Variants in SMC3 observed in about 807,000 individuals in gnomAD.
The protein encoded by SMC3 is structural maintenance of chromosomes 3.
Under a neutral mutation model 171.8 loss-of-function variants are expected in SMC3, and 20 were observed. That is an observed-to-expected ratio of 0.12 (90% CI 0.08 to 0.17). The LOEUF is 0.17. SMC3 is among the 10% of genes least tolerant of loss of function. The pLI is 1.00. For synonymous variants in SMC3, 464 were observed against 451.1 expected, an observed-to-expected ratio of 1.03 and a Z score of -0.36; for missense variants, 543 against 1,420.4, an observed-to-expected ratio of 0.38 and a Z score of 9.93.
intron 17 of SMC3, among the ~76,000 whole-genome samples, chr10:110,592,263 CA>C (rs58488395): frequency 0.74 from 106,834 of 144,388 alleles, 40,148 homozygotes; most frequent in Non-Finnish European, 0.84. Flanking sequence ...GACTCCATCT[CA>C]AAAAAAAAAA....
rs142408238 is a variant in SMC3 at position 110,585,718 on chromosome 10, C to T, written c.1305+1322C>T. Among the ~76,000 whole-genome samples the T allele has an allele frequency of 4.6e-5, 7 of 151,744 alleles. No individual in the cohort carries two copies. The East Asian group carries it at 1.2e-3, about 25-fold the overall frequency. On this transcript the variant is annotated intron_variant, in intron 13 of 28. Coordinates refer to ENST00000361804, the MANE Select transcript of SMC3 (RefSeq NM_005445.4). The stretch of plus-strand genomic sequence containing the variant: ...TTTTTTCTTGACTTTTGGGACTTGA[C>T]ATTTTAAATTATTTGTTATAAAGTA...
chr10:110,569,102 G>T (rs1860827686), intron 2 of SMC3, 89 bp downstream of exon 2: 4 of 857,368 alleles, frequency 4.7e-6, no homozygotes, highest in South Asian at 1.4e-5. Context: ...AAGGAGACAG[G>T]AATTGTCTTT....
Position 110,606,016 on chromosome 10 carries a change from A to G in SMC3, c.*1714A>G, listed in dbSNP as rs955123828. Among the ~76,000 whole-genome samples the G allele has an allele frequency of 2.6e-5, 4 of 152,230 alleles. No individual in the cohort carries two copies. The highest frequency in any genetic ancestry group is 5.9e-5 in the Non-Finnish European group (4 of 68,044). ...AGTATAATGAAATGCCAGTAAATTT[A>G]TAACAATAAAGCATCTAAATAATGA... is the stretch of plus-strand genomic sequence containing the variant. On this transcript the variant is annotated 3_prime_UTR_variant, in exon 29 of 29. Coordinates refer to ENST00000361804, the MANE Select transcript of SMC3 (RefSeq NM_005445.4).
intron 15 of SMC3, among the ~76,000 whole-genome samples, 153 bp downstream of exon 15, chr10:110,590,144 A>G (rs532457951): frequency 2.6e-5 from 4 of 152,360 alleles, no homozygotes; most frequent in Non-Finnish European, 4.4e-5. Context: ...TAGAGATTAA[A>G]TAGTTTTATT....
chr10:110,575,408 G>A lies in SMC3; in HGVS notation c.198+5G>A. The A allele has an allele frequency of 6.2e-7, 1 of 1,602,846 alleles. No individual in the cohort carries two copies. The highest frequency in any genetic ancestry group is 8.5e-7 in the Non-Finnish European group (1 of 1,169,938). On this transcript the variant is annotated splice_donor_5th_base_variant and intron_variant, in intron 4 of 28. Coordinates refer to ENST00000361804, the MANE Select transcript of SMC3 (RefSeq NM_005445.4). ...CAGCGGTTGGCTTTATTGCATGTGA[G>A]TGAGACTGCTTTAAGACATTATTGA...
At chr10:110,596,974 T>A (rs1477040514) in intron 19 of SMC3, among the ~76,000 whole-genome samples, 1 of 151,720 alleles carries the variant, frequency 6.6e-6, no homozygotes, top group East Asian at 1.9e-4. Context: ...AGAAGTCAAA[T>A]ATATAAGGAC....
intron 28 of SMC3, among the ~76,000 whole-genome samples, 169 bp downstream of exon 28, chr10:110,603,459 T>C (rs549859123): frequency 3.3e-5 from 5 of 152,332 alleles, no homozygotes; most frequent in East Asian, 3.9e-4. Context: ...TTTAGCAGTA[T>C]TTTATGGCGT....
Position 110,590,971 on chromosome 10 carries a change from C to T in SMC3, c.1671-20C>T, listed in dbSNP as rs768291297. ...ACCCTGAGTACCAATAAAGATTTGT[C>T]TTACTCTGTTTATATTTAGGTTATT... On this transcript the variant is annotated intron_variant, in intron 16 of 28. Transcript: ENST00000361804. 1.9e-6 allele frequency: 3 copies of T among 1,610,740 alleles called. No individual in the cohort carries two copies. Among genetic ancestry groups the T allele is most frequent in the Non-Finnish European group, 2.5e-6 (3 of 1,177,304 alleles).
At chr10:110,574,892 T>C (rs146737777) in intron 3 of SMC3, among the ~76,000 whole-genome samples, 1 of 152,224 alleles carries the variant, frequency 6.6e-6, no homozygotes, top group Non-Finnish European at 1.5e-5. Flanking sequence ...TTTCCTTAGT[T>C]TTATTTCTTT....
intron 13 of SMC3, among the ~76,000 whole-genome samples, chr10:110,586,489 A>G (rs1861118393): frequency 6.6e-6 from 1 of 152,218 alleles, no homozygotes; most frequent in Non-Finnish European, 1.5e-5. Context: ...CAACCTCAGC[A>G]GATGCCCTTT....
chr10:110,570,729 T>C (rs975349415), intron 2 of SMC3, among the ~76,000 whole-genome samples: 1 of 152,246 alleles, frequency 6.6e-6, no homozygotes. Context: ...ACCATTGTTT[T>C]AGCTGTTATC....
chr10:110,604,166 T>TTTAA (rs1364401805), intron 28 of SMC3, 65 bp from the exon 29 acceptor site: 4 of 938,810 alleles, frequency 4.3e-6, no homozygotes, highest in Non-Finnish European at 7.0e-6. Context: ...CTGTATATAT[T>TTTAA]TACCCTATAC....
chr10:110,592,845 C>T (rs1210375133), intron 17 of SMC3, among the ~76,000 whole-genome samples: 1 of 152,198 alleles, frequency 6.6e-6, no homozygotes, highest in Non-Finnish European at 1.5e-5. Context: ...AACCACTAAA[C>T]TCTTTAGCAC....
Position 110,596,519 on chromosome 10 carries a change from G to A in SMC3, c.2085G>A (p.Lys695=), listed in dbSNP as rs886046694. The change falls in exon 19 of 29, where the codon AAG becomes AAA. Residue 695 remains lysine (K), a synonymous_variant. Transcript: ENST00000361804. ...AAGAACTAGGTGAACTTGAAGCAAA[G>A]CTCAATGAAAACCTGCGCAGAAATA... The part of the protein sequence containing the change: ...AEEELGELEA[K]LNENLRRNIE... 1.2e-6 allele frequency: 2 copies of A among 1,614,036 alleles called. No homozygotes were observed. The highest frequency in any genetic ancestry group is 1.7e-6 in the Non-Finnish European group (2 of 1,179,952).
chr10:110,589,037 TA>T (rs1861166501), intron 13 of SMC3, among the ~76,000 whole-genome samples: 3 of 151,212 alleles, frequency 2.0e-5, no homozygotes, highest in Non-Finnish European at 4.4e-5. Context: ...TGTTTTATAG[TA>T]TTTAATGGTT....
intron 17 of SMC3, among the ~76,000 whole-genome samples, chr10:110,592,078 A>AC: frequency 6.6e-6 from 1 of 152,264 alleles, no homozygotes; most frequent in East Asian, 1.9e-4. Flanking sequence ...AGCCTGGCCA[A>AC]CAAGGCAAAA....
chr10:110,596,370 A>C, intron 18 of SMC3, 28 bp from the exon 19 acceptor site: 1 of 1,598,540 alleles, frequency 6.3e-7, no homozygotes, highest in Non-Finnish European at 8.5e-7. Context: ...AAAGTTGTAC[A>C]GACCTATTAC....
At chr10:110,585,971 G>A (rs1449183140) in intron 13 of SMC3, among the ~76,000 whole-genome samples, 1 of 151,816 alleles carries the variant, frequency 6.6e-6, no homozygotes, top group African/African-American at 2.4e-5. Context: ...CTAATTTTTT[G>A]TATTTTTAGT....
rs146433240 is a variant in SMC3, at chr10:110,577,477, A to G, written c.255A>G (p.Ser85=). ...TTGTGGAGATTATTTTTGATAATTC[A>G]GACAACCGGTTACCAGTAAGTAACT... ...SAFVEIIFDN[S]DNRLPIDKEE... The change falls in exon 5 of 29, where the codon TCA becomes TCG. Residue 85 remains serine (S), a synonymous_variant. Coordinates refer to ENST00000361804, the MANE Select transcript of SMC3 (RefSeq NM_005445.4). 5.1e-3 allele frequency: 8,137 copies of G among 1,610,920 alleles called. 35 individuals carry two copies. The highest frequency in any genetic ancestry group is 8.3e-3 in the Middle Eastern group (50 of 6,048).
Sources: allele counts gnomAD v4.1 joint callset (sites outside exome capture counted in the v4.1 genomes callset), GRCh38; gene constraint gnomAD v4.1.1; transcripts MANE v1.5; gene names NCBI Gene and HGNC (gene_info 2026-07-23, HGNC 2026-07-21).